The following CRBN variants were observed in gnomAD, a reference collection of about 807,000 sequenced individuals.
The protein encoded by CRBN is protein cereblon.
In CRBN, 53 loss-of-function variants were observed where a neutral mutation model predicts 62.2. That is an observed-to-expected ratio of 0.85 (90% CI 0.68 to 1.07). The LOEUF (loss-of-function observed/expected upper bound fraction) is 1.07, where lower values mean the gene tolerates loss of function less well. CRBN is among the 50% of genes least tolerant of loss of function. The probability of loss-of-function intolerance (pLI) is 0.00; values close to 1 mark genes in which losing one functional copy is unlikely to be tolerated. For synonymous variants in CRBN, 208 were observed against 176.1 expected (o/e 1.18, Z -1.43); for missense variants, 616 against 531.1 (o/e 1.16, Z -1.57).
At chr3:3,178,578 T>G (rs1198484788) in intron 1 of CRBN, among the ~76,000 whole-genome samples, 1 of 152,160 alleles carries the variant, frequency 6.6e-6, no homozygotes, top group Non-Finnish European at 1.5e-5. Context: ...CCTGAAAGGC[T>G]TTTTCCCAAA....
chr3:3,158,626 T>C (rs1475493528), intron 5 of CRBN, among the ~76,000 whole-genome samples: 2 of 152,226 alleles, frequency 1.3e-5, no homozygotes, highest in East Asian at 1.9e-4. Flanking sequence ...ACCATTAGTA[T>C]TGTGCCAAGA....
chr3:3,173,979 G>T, intron 3 of CRBN, 80 bp downstream of exon 3: 1 of 1,205,574 alleles, frequency 8.3e-7, no homozygotes, highest in Non-Finnish European at 1.2e-6. Context: ...CGAAATAACA[G>T]CCTGCTTTGG....
At chr3:3,176,282 C>T (rs369908438) in intron 1 of CRBN, among the ~76,000 whole-genome samples, 1 of 152,174 alleles carries the variant, frequency 6.6e-6, no homozygotes, top group South Asian at 2.1e-4. Context: ...CAACCTCTAA[C>T]GTTCTCTCAA....
At chr3:3,178,513 C>T (rs536069955) in intron 1 of CRBN, among the ~76,000 whole-genome samples, 3 of 152,324 alleles carry the variant, frequency 2.0e-5, no homozygotes, top group African/African-American at 7.2e-5. Flanking sequence ...ACCTCCTAGG[C>T]CTTATGTCCC....
chr3:3,179,130 T>A (rs1292866578), intron 1 of CRBN, among the ~76,000 whole-genome samples: 1 of 152,118 alleles, frequency 6.6e-6, no homozygotes, highest in Non-Finnish European at 1.5e-5. Context: ...GCAAATCCAA[T>A]ACTCGCTTAT....
At chr3:3,157,901 G>A (rs529078162) in intron 5 of CRBN, among the ~76,000 whole-genome samples, 3 of 152,200 alleles carry the variant, frequency 2.0e-5, no homozygotes, top group Non-Finnish European at 4.4e-5. Flanking sequence ...GTTCAGTTTA[G>A]AGCTGTCTCT....
chr3:3,164,403 G>A (rs886797432), intron 5 of CRBN, among the ~76,000 whole-genome samples: 3 of 152,190 alleles, frequency 2.0e-5, no homozygotes, highest in African/African-American at 2.4e-5. Flanking sequence ...GGTCTGGACA[G>A]AAGATCAAAC....
chr3:3,156,372 TA>T, intron 5 of CRBN, 91 bp from the exon 6 acceptor site: 1 of 1,120,006 alleles, frequency 8.9e-7, no homozygotes, highest in Middle Eastern at 2.1e-4. Flanking sequence ...GATTTTGGCC[TA>T]GGAAAACATC....
chr3:3,167,499 G>T, intron 5 of CRBN, 135 bp downstream of exon 5: 1 of 842,202 alleles, frequency 1.2e-6, no homozygotes. Flanking sequence ...ATTTTTAGAG[G>T]ATCAAATGTA....
chr3:3,163,845 T>C (rs1306593772), intron 5 of CRBN, among the ~76,000 whole-genome samples: 1 of 152,182 alleles, frequency 6.6e-6, no homozygotes, highest in East Asian at 1.9e-4. Context: ...AAATTAAAGA[T>C]TTCTGGCAAC....
chr3:3,175,392 C>T (rs751112479), intron 1 of CRBN, 123 bp from the exon 2 acceptor site: 39 of 726,466 alleles, frequency 5.4e-5, no homozygotes, highest in Non-Finnish European at 8.0e-5. Flanking sequence ...TCTACAGCAC[C>T]GTGAAGAGGG....
intron 9 of CRBN, 155 bp downstream of exon 9, chr3:3,153,269 G>A (rs1706713007): frequency 5.1e-6 from 3 of 588,728 alleles, no homozygotes; most frequent in Admixed American, 2.9e-5. Flanking sequence ...CAATCTGGAA[G>A]ATGGTCTTAG....
intron 5 of CRBN, among the ~76,000 whole-genome samples, chr3:3,163,902 T>C (rs1707231773): frequency 6.6e-6 from 1 of 152,252 alleles, no homozygotes; most frequent in South Asian, 2.1e-4. Flanking sequence ...CAGCATGTGC[T>C]AACTACCTGC....
At chr3:3,154,870 G>A (rs1706813017) in intron 6 of CRBN, 39 bp from the exon 7 acceptor site, 1 of 1,171,520 alleles carries the variant, frequency 8.5e-7, no homozygotes, top group Non-Finnish European at 1.3e-6. Context: ...AAGTTCATGG[G>A]CTTATTAAAA....
rs776519022 is a variant in CRBN at position 3,179,661 on chromosome 3, G to C, written c.27C>G (p.Asp9Glu). 3.7e-5 allele frequency: 60 copies of C among 1,613,100 alleles called. 2 individuals are homozygous for C. In the South Asian group the frequency reaches 4.4e-4, roughly 12 times the overall value. Residue 9 changes from aspartate (D) to glutamate (E), a missense_variant, in exon 1 of 11, where the codon GAC becomes GAG. By Grantham distance (45) the Asp-to-Glu change is conservative. Transcript: ENST00000231948. ...GGTGGTTGCCCATGTTGTGCGCAGC[G>C]TCCTGCTGATCTCCTTCGCCGGCCA... MAGEGDQQDAAHNMGNHLP... is the reference protein window; with the variant it reads MAGEGDQQEAAHNMGNHLP...
Position 3,156,223 on chromosome 3 carries a change from T to G in CRBN, c.746A>C (p.Asp249Ala). The G allele has an allele frequency of 6.2e-7, 1 of 1,612,256 alleles. No individual in the cohort carries two copies. Among genetic ancestry groups the G allele is most frequent in the Non-Finnish European group, 8.5e-7 (1 of 1,178,428 alleles). ...SWPRWLYSLY[D>A]AETLMDRIKK... ...AATTTAAGGTAAGTTACTTACAGCATCATATAAGGAATACAGCCAGCGAGG... is the reference window on the plus strand; with the variant it reads ...AATTTAAGGTAAGTTACTTACAGCAGCATATAAGGAATACAGCCAGCGAGG... The change falls in exon 6 of 11, where the codon GAT becomes GCT. Residue 249 changes from aspartate to alanine, a missense_variant. By Grantham distance (126) the Asp-to-Ala change is moderately radical (BLOSUM62 -2). Coordinates refer to ENST00000231948, the MANE Select transcript of CRBN (RefSeq NM_016302.4).
Position 3,156,218 on chromosome 3 carries a change from C to G in CRBN, c.750+1G>C. The G allele has an allele frequency of 2.5e-6, 4 of 1,610,922 alleles. No individual in the cohort carries two copies. The highest frequency in any genetic ancestry group is 1.3e-5 in the African/African-American group (1 of 74,938). On this transcript the variant is annotated splice_donor_variant, in intron 6 of 10. Coordinates refer to ENST00000231948, the MANE Select transcript of CRBN (RefSeq NM_016302.4). LOFTEE classifies it high-confidence loss of function. ...AAGTAAATTTAAGGTAAGTTACTTA[C>G]AGCATCATATAAGGAATACAGCCAG...
intron 3 of CRBN, chr3:3,173,793 C>T: frequency 2.1e-6 from 1 of 478,058 alleles, no homozygotes; most frequent in South Asian, 2.5e-5. Flanking sequence ...AAATGTTTTT[C>T]ATCAAATATA....
chr3:3,157,605 A>G (rs973057612), intron 5 of CRBN, among the ~76,000 whole-genome samples: 2 of 152,186 alleles, frequency 1.3e-5, no homozygotes, highest in African/African-American at 4.8e-5. Flanking sequence ...TGATCTTGCA[A>G]GTGCCGGAGT....
Sources: gnomAD v4.1 joint callset for allele counts (sites outside exome capture counted in the v4.1 genomes callset) on GRCh38, gnomAD v4.1.1 for gene constraint, MANE v1.5 for transcripts, NCBI Gene and HGNC (gene_info 2026-07-23, HGNC 2026-07-21) for gene names.